GPR107: variants seen among roughly 807,000 people sequenced by gnomAD.
The protein encoded by GPR107 is G protein-coupled receptor 107, also known as protein GPR107.
In GPR107, 31 loss-of-function variants were observed where a neutral mutation model predicts 75.5. The ratio of observed to expected loss-of-function variants is 0.41; its 90% confidence interval spans 0.31 to 0.55. The LOEUF (loss-of-function observed/expected upper bound fraction) is 0.55. GPR107 is among the 20% of genes least tolerant of loss of function. The probability of loss-of-function intolerance (pLI) is 0.26; values close to 1 mark genes in which losing one functional copy is unlikely to be tolerated. For missense variants in GPR107, 572 were observed against 665.7 expected (o/e 0.86, Z 1.55); for synonymous variants, 267 against 251.3 (o/e 1.06, Z -0.59).
intron 14 of GPR107, among the ~76,000 whole-genome samples, chr9:130,122,113 G>A (rs1831562539): frequency 6.6e-6 from 1 of 152,012 alleles, no homozygotes; most frequent in South Asian, 2.1e-4. Context: ...GGATGGTCTC[G>A]ATCTCCTGAC....
intron 14 of GPR107, among the ~76,000 whole-genome samples, chr9:130,119,150 G>A (rs528677919): frequency 5.3e-5 from 8 of 152,162 alleles, no homozygotes; most frequent in East Asian, 3.9e-4. Flanking sequence ...CCCAGGCTGC[G>A]ACCTGCTGCC....
intron 1 of GPR107, among the ~76,000 whole-genome samples, chr9:130,058,284 A>C (rs558524343): frequency 1.8e-3 from 276 of 152,312 alleles, no homozygotes; most frequent in African/African-American, 6.3e-3. Context: ...CGAGTTGTAC[A>C]GCTATGACCA....
At chr9:130,074,079 G>A (rs757598060) in intron 1 of GPR107, among the ~76,000 whole-genome samples, 1 of 152,200 alleles carries the variant, frequency 6.6e-6, no homozygotes, top group Non-Finnish European at 1.5e-5. Flanking sequence ...TTTAACAGAT[G>A]TTGAGGGGAA....
chr9:130,107,506 C>G lies in GPR107; in HGVS notation c.1273C>G (p.His425Asp). Residue 425 changes from histidine (H) to aspartate (D), a missense_variant, in exon 14 of 18, where the codon CAT becomes GAT. Physicochemically the swap from His to Asp is moderately conservative, Grantham distance 81. Coordinates refer to ENST00000347136, the MANE Select transcript of GPR107 (RefSeq NM_020960.5). The part of the protein sequence containing the change: ...ILFPVVWSIR[H>D]LQEASATDGK... ...AATGTTTATTTTTAGGTCAATCAGACATTTACAAGAAGCATCAGCAACAGA... is the reference window on the plus strand; with the variant it reads ...AATGTTTATTTTTAGGTCAATCAGAGATTTACAAGAAGCATCAGCAACAGA... The G allele has an allele frequency of 6.3e-7, 1 of 1,590,464 alleles. No homozygotes were observed. The highest frequency in any genetic ancestry group is 8.6e-7 in the Non-Finnish European group (1 of 1,158,272).
intron 17 of GPR107, chr9:130,129,635 CCTT>C (rs1166335913): frequency 1.3e-5 from 2 of 152,304 alleles, no homozygotes; most frequent in African/African-American, 2.4e-5. Flanking sequence ...AGAAACACCT[CCTT>C]CTAAACAGTG....
chr9:130,073,934 T>G lies in GPR107; in HGVS notation c.142-1702T>G, dbSNP rs1346318186. ...CAATGCCCGGCTAATTTTTTTGTAT[T>G]TTTAGTAGAGACAGGGTTTCCCATT... On this transcript the variant is annotated intron_variant, in intron 1 of 17. Coordinates refer to ENST00000347136, the MANE Select transcript of GPR107 (RefSeq NM_020960.5). 2.0e-5 allele frequency among the ~76,000 whole-genome samples: 3 copies of G among 152,182 alleles called. No individual in the cohort carries two copies. The East Asian group carries it at 5.8e-4, about 29-fold the overall frequency.
intron 13 of GPR107, among the ~76,000 whole-genome samples, chr9:130,107,114 C>T (rs1054785717): frequency 1.3e-5 from 2 of 152,260 alleles, no homozygotes; most frequent in East Asian, 1.9e-4. Flanking sequence ...CAGCTGGTGA[C>T]TTTCTTCTAG....
At chr9:130,084,405 TAAAA>T (rs11331231) in intron 6 of GPR107, among the ~76,000 whole-genome samples, 1 of 136,632 alleles carries the variant, frequency 7.3e-6, no homozygotes, top group African/African-American at 2.8e-5. Flanking sequence ...CAAAAAAAGT[TAAAA>T]AAAAAAAAAA....
chr9:130,133,936 C>A (rs1831891421), intron 17 of GPR107, among the ~76,000 whole-genome samples: 1 of 152,108 alleles, frequency 6.6e-6, no homozygotes, highest in South Asian at 2.1e-4. Context: ...CCATGAGGTC[C>A]AGCTGCATGC....
chr9:130,111,667 C>T (rs28379007), intron 14 of GPR107, among the ~76,000 whole-genome samples: 1 of 66,040 alleles, frequency 1.5e-5, no homozygotes, highest in African/African-American at 5.4e-5. Flanking sequence ...TACAGCTTTC[C>T]GTTTTGGGGT....
At chr9:130,101,250 A>G in intron 12 of GPR107, 27 bp downstream of exon 12, 1 of 1,217,080 alleles carries the variant, frequency 8.2e-7, no homozygotes, top group Non-Finnish European at 1.2e-6. Flanking sequence ...CCCATTTGTC[A>G]CTTCCTTTCT....
rs1189916328 is a variant in GPR107 at position 130,112,043 on chromosome 9, T to G, written c.1306+4504T>G. ...CCCTTGAGCCCGCATCCGCGTTCCC[T>G]TCTCTTTCTCCAGTGTCATTACCTT... On this transcript the variant is annotated intron_variant, in intron 14 of 17. Transcript: ENST00000347136. The surrounding 1 kb of genome is among the most constrained non-coding windows in gnomAD (Gnocchi z 4.0). 6.6e-6 allele frequency among the ~76,000 whole-genome samples: 1 copy of G among 152,220 alleles called. No individual in the cohort carries two copies. Among genetic ancestry groups the G allele is most frequent in the Non-Finnish European group, 1.5e-5 (1 of 68,032 alleles).
chr9:130,113,730 A>T (rs1275237445), intron 14 of GPR107, among the ~76,000 whole-genome samples: 1 of 152,182 alleles, frequency 6.6e-6, no homozygotes, highest in East Asian at 1.9e-4. Flanking sequence ...TGCAGGATGG[A>T]CCAGTGGAGT....
intron 1 of GPR107, among the ~76,000 whole-genome samples, chr9:130,062,752 C>T (rs1338690266): frequency 6.6e-6 from 1 of 151,216 alleles, no homozygotes; most frequent in African/African-American, 2.4e-5. Context: ...GAGTGTCTCA[C>T]TCTGTCACCC....
intron 14 of GPR107, among the ~76,000 whole-genome samples, chr9:130,118,611 G>A (rs905620529): frequency 6.6e-6 from 1 of 152,068 alleles, no homozygotes; most frequent in African/African-American, 2.4e-5. Context: ...CAGGAGGTCA[G>A]CCTTACAGGA....
chr9:130,103,611 C>A lies in GPR107; in HGVS notation c.1132-809C>A, dbSNP rs1284847541. 1.3e-5 allele frequency among the ~76,000 whole-genome samples: 2 copies of A among 152,182 alleles called. No individual in the cohort carries two copies. The highest frequency in any genetic ancestry group is 3.8e-4 in the East Asian group (2 of 5,198). ...ATGAGGCTGTAGGGCTGGAATCAGC[C>A]ATGCTCACCCTCTGGTCTCTGAAAA... On this transcript the variant is annotated intron_variant, in intron 12 of 17. Coordinates refer to ENST00000347136, the MANE Select transcript of GPR107 (RefSeq NM_020960.5). This position sits in a 1 kb window ranked among gnomAD's most constrained non-coding sequence, Gnocchi z 4.3.
At chr9:130,094,881 A>G (rs1215409902) in intron 9 of GPR107, among the ~76,000 whole-genome samples, 1 of 152,042 alleles carries the variant, frequency 6.6e-6, no homozygotes, top group Admixed American at 6.5e-5. Context: ...GGCTTTTGCC[A>G]TGTTGGCCAG....
chr9:130,122,093 G>A (rs778026892), intron 14 of GPR107, among the ~76,000 whole-genome samples: 34 of 152,104 alleles, frequency 2.2e-4, no homozygotes, highest in African/African-American at 7.7e-4. Context: ...GGGTTTCACC[G>A]TGTTAGCCAG....
At chr9:130,096,554 C>T (rs771870951) in intron 9 of GPR107, among the ~76,000 whole-genome samples, 7 of 151,024 alleles carry the variant, frequency 4.6e-5, no homozygotes, top group African/African-American at 7.3e-5. Flanking sequence ...CTGCAACCTC[C>T]GCCTCCCGGG....
Sources: allele counts gnomAD v4.1 joint callset (sites outside exome capture counted in the v4.1 genomes callset), GRCh38; gene constraint gnomAD v4.1.1; non-coding constraint Gnocchi (gnomAD v3.1); transcripts MANE v1.5; gene names NCBI Gene and HGNC (gene_info 2026-07-23, HGNC 2026-07-21).